SGCD: variants seen among roughly 807,000 people sequenced by gnomAD.
The protein encoded by SGCD is delta-sarcoglycan.
SGCD carries 18 observed loss-of-function variants against 36.6 expected under a neutral mutation model. The observed-to-expected ratio is 0.49, with a 90% CI of 0.34 to 0.73. The LOEUF (loss-of-function observed/expected upper bound fraction) is 0.73. SGCD is among the 30% of genes least tolerant of loss of function. The pLI, the probability that SGCD is intolerant of heterozygous loss-of-function variation, is 0.01. For missense variants in SGCD, 387 were observed against 346.7 expected (o/e 1.12, Z -0.92); for synonymous variants, 133 against 130.6 (o/e 1.02, Z -0.12).
At chr5:156,133,854 A>G (rs2127607359) in intron 3 of SGCD, among the ~76,000 whole-genome samples, 1 of 151,618 alleles carries the variant, frequency 6.6e-6, no homozygotes, top group African/African-American at 2.4e-5. Context: ...ACTTAACAAA[A>G]TCTCAGTTGC....
rs1765884372 is a variant in SGCD at position 156,262,121 on chromosome 5, A to G, written c.-43-67413A>G. On this transcript the variant is annotated intron_variant, in intron 3 of 9. Transcript: ENST00000517913. Reference sequence around the variant, plus strand: ...TAAGTGTCCAGTATTGATAAAGTCTATGGTAGTATAGAGTAGTGTCCTAGG... The same window carrying G: ...TAAGTGTCCAGTATTGATAAAGTCTGTGGTAGTATAGAGTAGTGTCCTAGG... Among the ~76,000 whole-genome samples, 5 of 152,278 alleles carry G rather than the reference A, an allele frequency of 3.3e-5. No individual in the cohort carries two copies. In the South Asian group the frequency reaches 1.0e-3, roughly 32 times the overall value.
the SGCD span, among the ~76,000 whole-genome samples, chr5:155,824,149 G>A: frequency 2.6e-5 from 4 of 152,156 alleles, no homozygotes; most frequent in African/African-American, 9.7e-5. Flanking sequence ...GAAACGATAT[G>A]GTTCTGTAAA....
intron 7 of SGCD, among the ~76,000 whole-genome samples, chr5:156,674,960 AT>A (rs1753449787): frequency 6.6e-6 from 1 of 152,198 alleles, no homozygotes; most frequent in Non-Finnish European, 1.5e-5. Context: ...TGAGAGGTTA[AT>A]GTGAAATGCC....
At chr5:155,893,379 A>G (rs1248107386) in intron 1 of SGCD, among the ~76,000 whole-genome samples, 2 of 152,254 alleles carry the variant, frequency 1.3e-5, no homozygotes, top group African/African-American at 4.8e-5. Flanking sequence ...ACTCTGTTCT[A>G]AGTGAACACT....
chr5:156,239,420 A>G (rs189692026), intron 3 of SGCD, among the ~76,000 whole-genome samples: 3,004 of 150,766 alleles, frequency 0.02, 117 homozygotes, highest in African/African-American at 0.065. Context: ...AAAAAAAAAA[A>G]ATTAGATTTG....
intron 3 of SGCD, among the ~76,000 whole-genome samples, chr5:156,145,204 G>T (rs1762681426): frequency 6.6e-6 from 1 of 152,182 alleles, no homozygotes; most frequent in Non-Finnish European, 1.5e-5. Flanking sequence ...GTTCTCACAA[G>T]ATCTGGTTGT....
chr5:155,734,070 T>TATATTATTATTATATAATATAATA, the SGCD span, among the ~76,000 whole-genome samples: 1 of 147,310 alleles, frequency 6.8e-6, no homozygotes, highest in Admixed American at 6.8e-5. Context: ...TTTTATTTAT[T>TATATTATTATTATATAATATAATA]ATATTATTAT....
At chr5:156,486,427 G>A (rs934421158) in intron 3 of SGCD, among the ~76,000 whole-genome samples, 4 of 152,158 alleles carry the variant, frequency 2.6e-5, no homozygotes, top group Non-Finnish European at 5.9e-5. Flanking sequence ...TAGCAGAGCT[G>A]TTGTGCACCT....
At chr5:156,735,910 T>G (rs2113037107) in intron 7 of SGCD, among the ~76,000 whole-genome samples, 1 of 152,248 alleles carries the variant, frequency 6.6e-6, no homozygotes, top group South Asian at 2.1e-4. Flanking sequence ...TCCATGTAGC[T>G]CTGTGTGTCA....
At position 156,766,380 on chromosome 5, in the gene SGCD, T is replaced by C. The variant is rs1041514143; in HGVS notation, c.*6990T>C. 3 of 151,898 alleles carry C rather than the reference T, an allele frequency of 2.0e-5. No individual in the cohort carries two copies. Among genetic ancestry groups the C allele is most frequent in the East Asian group, 1.9e-4 (1 of 5,178 alleles). 9.4% of individuals were successfully genotyped at this position (151,898 alleles called of 1,614,324 possible). A position where few individuals can be genotyped will look rare whatever the true frequency, so the allele number is the denominator to read the frequency against. ...AATGTCAGAGCTGAGCTGACCACTC[T>C]GGTCCTGTAATGTCTTTGGCCTCAC... is the stretch of plus-strand genomic sequence containing the variant. On this transcript the variant is annotated 3_prime_UTR_variant, in exon 9 of 9. Coordinates refer to ENST00000337851, the MANE Select transcript of SGCD (RefSeq NM_000337.6).
At chr5:155,751,561 A>G in the SGCD span, among the ~76,000 whole-genome samples, 1 of 151,868 alleles carries the variant, frequency 6.6e-6, no homozygotes, top group African/African-American at 2.4e-5. Flanking sequence ...TAATTTTTCT[A>G]TATTTTTGGT....
intron 3 of SGCD, among the ~76,000 whole-genome samples, chr5:156,270,267 A>G (rs554704452): frequency 3.9e-5 from 6 of 152,194 alleles, no homozygotes; most frequent in African/African-American, 1.4e-4. Context: ...TTTGGTTACC[A>G]TAGCTCTGTA....
intron 3 of SGCD, among the ~76,000 whole-genome samples, chr5:156,241,009 C>T (rs1765291139): frequency 6.6e-6 from 1 of 152,036 alleles, no homozygotes; most frequent in African/African-American, 2.4e-5. Flanking sequence ...AGAAAAATTG[C>T]CTTAAACTGA....
chr5:155,901,612 C>CTT (rs1756392087), intron 1 of SGCD, among the ~76,000 whole-genome samples: 1 of 152,016 alleles, frequency 6.6e-6, no homozygotes, highest in Admixed American at 6.6e-5. Flanking sequence ...GTCTGGTGCT[C>CTT]TTTTTATAAA....
chr5:156,054,309 A>G (rs1367048598), intron 1 of SGCD, among the ~76,000 whole-genome samples: 2 of 125,674 alleles, frequency 1.6e-5, no homozygotes, highest in Non-Finnish European at 3.4e-5. Flanking sequence ...TTTTTGAGAC[A>G]GAGTCTCGCT....
At chr5:156,500,362 C>T (rs997630157) in intron 3 of SGCD, among the ~76,000 whole-genome samples, 1 of 152,168 alleles carries the variant, frequency 6.6e-6, no homozygotes, top group African/African-American at 2.4e-5. Flanking sequence ...AATCCCACCC[C>T]TCATGAAGAT....
chr5:156,212,163 C>T (rs182616793), intron 3 of SGCD, among the ~76,000 whole-genome samples: 9 of 152,212 alleles, frequency 5.9e-5, no homozygotes, highest in Admixed American at 2.6e-4. Flanking sequence ...CCTTACCTAT[C>T]GATGACTACC....
intron 1 of SGCD, among the ~76,000 whole-genome samples, chr5:156,029,977 C>T (rs949628489): frequency 2.0e-5 from 3 of 152,174 alleles, no homozygotes; most frequent in Non-Finnish European, 4.4e-5. Context: ...CATAAACCTA[C>T]CTCCCTCACC....
At chr5:155,983,712 T>C (rs747530068) in intron 1 of SGCD, among the ~76,000 whole-genome samples, 20 of 152,374 alleles carry the variant, frequency 1.3e-4, no homozygotes, top group South Asian at 8.3e-4. Context: ...GAAAGGGTTC[T>C]GGTAAATATA....
Sources: allele counts gnomAD v4.1 joint callset (sites outside exome capture counted in the v4.1 genomes callset), GRCh38; gene constraint gnomAD v4.1.1; transcripts MANE v1.5; gene names NCBI Gene and HGNC (gene_info 2026-07-23, HGNC 2026-07-21).